Variants in DISP1 observed in about 807,000 individuals in gnomAD.
DISP1 encodes dispatched RND transporter family member 1.
Under a neutral mutation model 37.3 loss-of-function variants are expected in DISP1, and 30 were observed. The ratio of observed to expected loss-of-function variants is 0.80; its 90% CI spans 0.60 to 1.09. DISP1 has a LOEUF of 1.09. Ranked by LOEUF, DISP1 falls within the 50% of genes least tolerant of loss-of-function variation. The pLI, the probability that DISP1 is intolerant of heterozygous loss-of-function variation, is 0.00. For missense variants in DISP1, 1,598 were observed against 1,879.5 expected (o/e 0.85, Z 2.77); for synonymous variants, 634 against 690.2 (o/e 0.92, Z 1.28).
At chr1:222,894,173 G>A (rs976883622) in intron 1 of DISP1, among the ~76,000 whole-genome samples, 3 of 152,130 alleles carry the variant, frequency 2.0e-5, no homozygotes, top group Non-Finnish European at 4.4e-5. Context: ...TCTCACTCCC[G>A]GTGCAGACTT....
chr1:222,925,540 G>A (rs1673031852), intron 1 of DISP1, among the ~76,000 whole-genome samples: 1 of 152,014 alleles, frequency 6.6e-6, no homozygotes, highest in Admixed American at 6.6e-5. Flanking sequence ...TAAGATTTTA[G>A]GGATTGACTC....
At position 222,893,595 on chromosome 1, in the gene DISP1, A is replaced by G. The variant is rs116292111; in HGVS notation, c.-158-34835A>G. ...AGCCCCAGGCGCCGGCACTGACTCC[A>G]TGGAAGGCTGCGGCTTGACCAGATG... On this transcript the variant is annotated intron_variant, in intron 1 of 8. Transcript: ENST00000675850. The surrounding 1 kb of genome is among the most constrained non-coding windows in gnomAD (Gnocchi z 4.3). 8.9e-3 allele frequency among the ~76,000 whole-genome samples: 1,353 copies of G among 152,320 alleles called. 19 individuals carry two copies. The highest frequency in any genetic ancestry group is 0.031 in the African/African-American group (1,297 of 41,582).
intron 4 of DISP1, among the ~76,000 whole-genome samples, chr1:222,984,435 T>TAGAG (rs369654102): frequency 0.019 from 2,110 of 108,300 alleles, 104 homozygotes; most frequent in Middle Eastern, 0.058. Flanking sequence ...TATATATATA[T>TAGAG]AGAGAGAGAG....
chr1:222,828,453 A>G (rs1664953312), intron 1 of DISP1, among the ~76,000 whole-genome samples: 1 of 152,152 alleles, frequency 6.6e-6, no homozygotes, highest in Non-Finnish European at 1.5e-5. Context: ...CAGACATTAT[A>G]GTTTTGGGAC....
intron 3 of DISP1, chr1:222,945,808 G>T (rs1572584130): frequency 6.6e-6 from 1 of 152,274 alleles, no homozygotes; most frequent in East Asian, 1.9e-4. Flanking sequence ...GTTATCTAAA[G>T]AGAAAGAATG....
chr1:222,928,278 C>T (rs1184791089), intron 1 of DISP1, 152 bp from the exon 2 acceptor site: 9 of 152,180 alleles, frequency 5.9e-5, no homozygotes, highest in Admixed American at 5.9e-4. Context: ...CAGATCAAGC[C>T]CCTCTGTATG....
At chr1:222,992,383 G>A (rs932333645) in intron 7 of DISP1, among the ~76,000 whole-genome samples, 3 of 152,084 alleles carry the variant, frequency 2.0e-5, no homozygotes, top group African/African-American at 7.2e-5. Context: ...TGAAATTCTT[G>A]ACCTTGCCCA....
chr1:222,933,796 G>T (rs1490438720), intron 2 of DISP1, among the ~76,000 whole-genome samples: 1 of 151,898 alleles, frequency 6.6e-6, no homozygotes, highest in African/African-American at 2.4e-5. Flanking sequence ...ATTTGTCTCA[G>T]GAGGGAAGAA....
In DISP1 at chr1:223,002,771, A is replaced by C. The variant is rs749772573; in HGVS notation, c.1374A>C (p.Thr458=). The C allele has an allele frequency of 8.7e-6, 14 of 1,614,132 alleles. No homozygotes were observed. Among genetic ancestry groups the C allele is most frequent in the Non-Finnish European group, 9.3e-6 (11 of 1,180,038 alleles). Residue 458 remains threonine (T), a synonymous_variant, in exon 9 of 9, where the codon ACA becomes ACC. Transcript: ENST00000675850. Reference sequence around the variant, plus strand: ...AATACAGCATGCTCTTCTCTCCCACAGAGAAAGGGGAGAGCATGATGAACA... The same window carrying C: ...AATACAGCATGCTCTTCTCTCCCACCGAGAAAGGGGAGAGCATGATGAACA... ...ALKYSMLFSP[T]EKGESMMNIY...
intron 1 of DISP1, among the ~76,000 whole-genome samples, chr1:222,887,379 G>A (rs145873484): frequency 1.7e-4 from 26 of 150,374 alleles, no homozygotes; most frequent in African/African-American, 5.4e-4. Flanking sequence ...AAAGAAACTC[G>A]TATTTTCTTC....
chr1:222,993,676 T>C (rs1397670238), intron 7 of DISP1, among the ~76,000 whole-genome samples: 1 of 152,238 alleles, frequency 6.6e-6, no homozygotes, highest in Non-Finnish European at 1.5e-5. Context: ...GTTACTTGCA[T>C]GTTCTGGCTG....
intron 1 of DISP1, among the ~76,000 whole-genome samples, chr1:222,892,872 A>G (rs947488901): frequency 7.2e-5 from 11 of 152,246 alleles, no homozygotes; most frequent in Non-Finnish European, 1.2e-4. Flanking sequence ...ACCAACATCT[A>G]TGCAACATGA....
intron 1 of DISP1, among the ~76,000 whole-genome samples, chr1:222,858,333 G>T (rs544597757): frequency 6.6e-6 from 1 of 152,046 alleles, no homozygotes; most frequent in East Asian, 1.9e-4. Flanking sequence ...ATTAACTCAA[G>T]ATGTATCAAA....
intron 1 of DISP1, among the ~76,000 whole-genome samples, chr1:222,844,731 G>T (rs1667804853): frequency 6.6e-6 from 1 of 152,198 alleles, no homozygotes; most frequent in Non-Finnish European, 1.5e-5. Flanking sequence ...AATGCGTTAT[G>T]CAGCATTGTG....
rs1320534085 is a variant in DISP1, at chr1:222,893,548, C to T, written c.-158-34882C>T. 6.6e-6 allele frequency among the ~76,000 whole-genome samples: 1 copy of T among 152,238 alleles called. No homozygotes were observed. Among genetic ancestry groups the T allele is most frequent in the African/African-American group, 2.4e-5 (1 of 41,476 alleles). ...GCTGTGCACAGACAGCTAGGCACAT[C>T]AGCTGCTGTGGCAGGGCGGGCAGCC... On this transcript the variant is annotated intron_variant, in intron 1 of 8. Coordinates refer to ENST00000675850, the MANE Select transcript of DISP1 (RefSeq NM_001377229.1). This position sits in a 1 kb window ranked among gnomAD's most constrained non-coding sequence, Gnocchi z 4.3.
At chr1:222,830,535 C>T (rs1238283718) in intron 1 of DISP1, among the ~76,000 whole-genome samples, 3 of 152,170 alleles carry the variant, frequency 2.0e-5, no homozygotes, top group African/African-American at 7.2e-5. Context: ...CGCGTGTCAC[C>T]ATGCCCGGCT....
At chr1:222,842,405 A>G (rs1667664059) in intron 1 of DISP1, among the ~76,000 whole-genome samples, 1 of 151,480 alleles carries the variant, frequency 6.6e-6, no homozygotes, top group African/African-American at 2.4e-5. Flanking sequence ...TTTAGGTATT[A>G]CTGTTTTAGA....
intron 1 of DISP1, among the ~76,000 whole-genome samples, chr1:222,855,902 CA>C (rs35483623): frequency 0.1 from 13,933 of 138,214 alleles, 632 homozygotes; most frequent in African/African-American, 0.11. Context: ...TCTCCAGTTT[CA>C]AAAAAAAAAA....
intron 1 of DISP1, among the ~76,000 whole-genome samples, chr1:222,831,978 G>A (rs1286763323): frequency 2.0e-5 from 3 of 152,078 alleles, no homozygotes; most frequent in African/African-American, 7.2e-5. Context: ...GAAAAGTAGA[G>A]TGGGTAAGAA....
Sources: allele counts gnomAD v4.1 joint callset (sites outside exome capture counted in the v4.1 genomes callset), GRCh38; gene constraint gnomAD v4.1.1; non-coding constraint Gnocchi (gnomAD v3.1); transcripts MANE v1.5; gene names NCBI Gene and HGNC (gene_info 2026-07-23, HGNC 2026-07-21).